The following NALF1 variants were observed in gnomAD, a reference collection of about 807,000 sequenced individuals.
The protein encoded by NALF1 is NALCN channel auxiliary factor 1.
A neutral mutation model predicts 48.4 loss-of-function variants in NALF1; 3 were observed. That is an observed-to-expected ratio of 0.06 (90% CI 0.03 to 0.16). The LOEUF (loss-of-function observed/expected upper bound fraction) is 0.16, where lower values mean the gene tolerates loss of function less well. NALF1 is among the 10% of genes least tolerant of loss of function. NALF1 has a pLI of 1.00. For synonymous variants in NALF1, 262 were observed against 245.7 expected, an observed-to-expected ratio of 1.07 and a Z score of -0.62; for missense variants, 526 against 571.5, an observed-to-expected ratio of 0.92 and a Z score of 0.81.
chr13:107,171,318 G>T (rs764315233), intron 2 of NALF1, among the ~76,000 whole-genome samples: 1 of 152,200 alleles, frequency 6.6e-6, no homozygotes, highest in Non-Finnish European at 1.5e-5. Context: ...TCCAGTGGGT[G>T]ATCGGGTCAT....
chr13:107,768,594 T>G (rs569801056), intron 1 of NALF1, among the ~76,000 whole-genome samples: 4 of 152,196 alleles, frequency 2.6e-5, no homozygotes, highest in Non-Finnish European at 5.9e-5. Context: ...AACTTTCCCT[T>G]CATCTTTAAC....
intron 1 of NALF1, among the ~76,000 whole-genome samples, chr13:107,467,944 A>T (rs1246184097): frequency 1.3e-5 from 2 of 150,692 alleles, no homozygotes; most frequent in Non-Finnish European, 2.9e-5. Context: ...GCTACTCGGG[A>T]GGCTGAGGCA....
At chr13:107,819,085 T>C (rs539383036) in intron 1 of NALF1, among the ~76,000 whole-genome samples, 11 of 152,302 alleles carry the variant, frequency 7.2e-5, no homozygotes, top group Non-Finnish European at 1.5e-4. Flanking sequence ...TGACAACCTG[T>C]AACTTTTGTA....
chr13:107,463,139 C>T (rs1440376179), intron 1 of NALF1, among the ~76,000 whole-genome samples: 3 of 152,164 alleles, frequency 2.0e-5, no homozygotes, highest in Non-Finnish European at 4.4e-5. Flanking sequence ...TCTACTAATA[C>T]CAGATACAGT....
chr13:107,866,008 G>T lies in NALF1; in HGVS notation c.589C>A (p.Arg197=), dbSNP rs1334014583. 4 of 1,611,778 alleles carry T rather than the reference G, an allele frequency of 2.5e-6. No individual in the cohort carries two copies. Among genetic ancestry groups the T allele is most frequent in the Admixed American group, 1.7e-5 (1 of 60,008 alleles). Residue 197 remains arginine (R), a synonymous_variant, in exon 1 of 3, where the codon CGG becomes AGG. Transcript: ENST00000375915. The surrounding 1 kb of genome is among the most constrained non-coding windows in gnomAD (Gnocchi z 4.4). ...TGCCCGTCCCCCCCGGCCGCCCCCCGACTCCAGTTCCTGGCGCACACCGCG... is the reference window on the plus strand; with the variant it reads ...TGCCCGTCCCCCCCGGCCGCCCCCCTACTCCAGTTCCTGGCGCACACCGCG... ...ADAVCARNWS[R]GAAGGDGQEV...
At chr13:107,851,864 A>G (rs1566506435) in intron 1 of NALF1, among the ~76,000 whole-genome samples, 2 of 129,494 alleles carry the variant, frequency 1.5e-5, no homozygotes, top group African/African-American at 5.9e-5. Context: ...GCTTGAGTGC[A>G]GCGGGACAAT....
intron 1 of NALF1, among the ~76,000 whole-genome samples, chr13:107,801,075 C>T (rs1878598680): frequency 6.6e-6 from 1 of 152,146 alleles, no homozygotes; most frequent in South Asian, 2.1e-4. Context: ...CCTTAAATAA[C>T]ACTTGCTTTC....
chr13:107,490,714 GT>G (rs145697739), intron 1 of NALF1, among the ~76,000 whole-genome samples: 3,007 of 149,230 alleles, frequency 0.02, 99 homozygotes, highest in African/African-American at 0.07. Context: ...GAACTTAAAA[GT>G]TTTTTTTTTA....
chr13:107,296,789 A>G (rs1881735192), intron 1 of NALF1, among the ~76,000 whole-genome samples: 1 of 152,020 alleles, frequency 6.6e-6, no homozygotes, highest in Admixed American at 6.6e-5. Flanking sequence ...ATATATATAT[A>G]TTTTTCAGAG....
At chr13:107,729,393 G>A (rs1876245703) in intron 1 of NALF1, among the ~76,000 whole-genome samples, 1 of 151,300 alleles carries the variant, frequency 6.6e-6, no homozygotes, top group Admixed American at 6.6e-5. Flanking sequence ...GCTGTTCTTT[G>A]TTGTGACACT....
At chr13:107,756,498 TCTTGGCAGAGA>T (rs1403965351) in intron 1 of NALF1, among the ~76,000 whole-genome samples, 2 of 151,062 alleles carry the variant, frequency 1.3e-5, no homozygotes, top group African/African-American at 4.9e-5. Flanking sequence ...AATACATAAA[TCTTGGCAGAGA>T]CTTTACATTT....
intron 1 of NALF1, among the ~76,000 whole-genome samples, chr13:107,755,857 C>T (rs997745168): frequency 1.1e-4 from 16 of 152,076 alleles, no homozygotes; most frequent in African/African-American, 3.9e-4. Flanking sequence ...TGAAGAAAAG[C>T]AGATTCAGCA....
intron 1 of NALF1, among the ~76,000 whole-genome samples, chr13:107,524,330 C>G (rs1876355080): frequency 6.6e-6 from 1 of 152,020 alleles, no homozygotes; most frequent in Non-Finnish European, 1.5e-5. Flanking sequence ...ATAAAGAGGC[C>G]AGAGCAGAAG....
intron 1 of NALF1, among the ~76,000 whole-genome samples, chr13:107,226,519 A>G (rs1425445462): frequency 6.6e-6 from 1 of 152,254 alleles, no homozygotes; most frequent in Non-Finnish European, 1.5e-5. Context: ...ACTGTGGAAC[A>G]AAATGAGTAC....
chr13:107,504,363 G>C (rs1324779157), intron 1 of NALF1, among the ~76,000 whole-genome samples: 1 of 152,014 alleles, frequency 6.6e-6, no homozygotes, highest in East Asian at 1.9e-4. Flanking sequence ...GGGATGTACA[G>C]TGAGGATTAA....
At chr13:107,188,735 T>C (rs548016961) in intron 2 of NALF1, among the ~76,000 whole-genome samples, 108 of 152,300 alleles carry the variant, frequency 7.1e-4, no homozygotes, top group Non-Finnish European at 1.2e-3. Context: ...CCCAGCTGTA[T>C]GTGGACAAGA....
At chr13:107,300,342 C>T (rs537992903) in intron 1 of NALF1, among the ~76,000 whole-genome samples, 5 of 152,266 alleles carry the variant, frequency 3.3e-5, no homozygotes, top group South Asian at 4.1e-4. Context: ...GATAAACACA[C>T]GATATGAATA....
rs917531815 is a variant in NALF1 at position 107,534,650 on chromosome 13, G to A, written c.916-323895C>T. On this transcript the variant is annotated intron_variant, in intron 1 of 2. Transcript: ENST00000375915. Reference sequence around the variant, plus strand: ...TTCCTACATTTTAGCTGAGGAATTTGTTAAAACATGCAGACCTCAGGCATC... The same window carrying A: ...TTCCTACATTTTAGCTGAGGAATTTATTAAAACATGCAGACCTCAGGCATC... 2.0e-5 allele frequency among the ~76,000 whole-genome samples: 3 copies of A among 152,104 alleles called. No homozygotes were observed. The East Asian group carries it at 5.8e-4, about 29-fold the overall frequency.
At chr13:107,553,712 C>T (rs1380986314) in intron 1 of NALF1, among the ~76,000 whole-genome samples, 4 of 152,188 alleles carry the variant, frequency 2.6e-5, no homozygotes, top group Non-Finnish European at 4.4e-5. Context: ...GGATATACTA[C>T]AGCAAATAAT....
Sources: gnomAD v4.1 joint callset for allele counts (sites outside exome capture counted in the v4.1 genomes callset) on GRCh38, gnomAD v4.1.1 for gene constraint, Gnocchi (gnomAD v3.1) non-coding constraint, MANE v1.5 for transcripts, NCBI Gene and HGNC (gene_info 2026-07-23, HGNC 2026-07-21) for gene names.